ANK3: variants seen among roughly 807,000 people sequenced by gnomAD.
ANK3 encodes the protein ankyrin-3.
A neutral mutation model predicts 370.9 loss-of-function variants in ANK3; 57 were observed. The observed-to-expected ratio is 0.15, with a 90% CI of 0.12 to 0.19. ANK3 has a LOEUF of 0.19. ANK3 is among the 10% of genes least tolerant of loss of function. The pLI is 1.00. For missense variants in ANK3, 4,439 were observed against 5,302.1 expected, an observed-to-expected ratio of 0.84 and a Z score of 5.06; for synonymous variants, 1,929 against 1,946.3, an observed-to-expected ratio of 0.99 and a Z score of 0.23.
At chr10:60,433,723 A>G (rs1279738038) in intron 2 of ANK3, among the ~76,000 whole-genome samples, 2 of 152,190 alleles carry the variant, frequency 1.3e-5, no homozygotes, top group Non-Finnish European at 2.9e-5. Flanking sequence ...GAAATAATCG[A>G]ATTTTGCTTT....
At chr10:60,436,352 C>G in intron 2 of ANK3, among the ~76,000 whole-genome samples, 1 of 152,174 alleles carries the variant, frequency 6.6e-6, no homozygotes, top group Non-Finnish European at 1.5e-5. Context: ...ATTGCTGGGT[C>G]ATATGGTAAC....
intron 2 of ANK3, among the ~76,000 whole-genome samples, chr10:60,584,356 T>C (rs1191942813): frequency 6.6e-6 from 1 of 152,200 alleles, no homozygotes; most frequent in Non-Finnish European, 1.5e-5. Flanking sequence ...TAATGGCTCA[T>C]GCCTGTAATT....
chr10:60,718,019 G>A (rs1176097755), intron 1 of ANK3, among the ~76,000 whole-genome samples: 2 of 152,314 alleles, frequency 1.3e-5, no homozygotes, highest in South Asian at 2.1e-4. Context: ...CCTTACTTAG[G>A]CAGGATGCCA....
At chr10:60,109,379 T>C (rs1486746597) in intron 26 of ANK3, among the ~76,000 whole-genome samples, 1 of 152,126 alleles carries the variant, frequency 6.6e-6, no homozygotes, top group Non-Finnish European at 1.5e-5. Flanking sequence ...TCTCATGCAT[T>C]TAAAACAAAA....
chr10:60,375,768 C>T (rs944554489), intron 1 of ANK3, among the ~76,000 whole-genome samples: 5 of 152,232 alleles, frequency 3.3e-5, no homozygotes, highest in African/African-American at 1.2e-4. Context: ...AACATAAACA[C>T]ATACAGGTAT....
intron 1 of ANK3, among the ~76,000 whole-genome samples, chr10:60,624,760 A>G (rs931576839): frequency 6.6e-6 from 1 of 151,798 alleles, no homozygotes; most frequent in Admixed American, 6.6e-5. Context: ...TTGAGGAGGC[A>G]TGAATGCTAG....
intron 42 of ANK3, chr10:60,051,664 CTTTTTTTTTT>C (rs35764181): frequency 4.6e-5 from 7 of 151,752 alleles, no homozygotes; most frequent in East Asian, 4.7e-4. Flanking sequence ...ATGTTTTCTT[CTTTTTTTTTT>C]TTTTTTTTTG....
At position 60,124,371 on chromosome 10, in the gene ANK3, T is replaced by G. The variant is rs138541053; in HGVS notation, c.2841+9900A>C. Among the ~76,000 whole-genome samples the G allele has an allele frequency of 1.1e-3, 166 of 152,268 alleles. 1 individual carries two copies. In the East Asian group the frequency reaches 0.03, roughly 27 times the overall value. On this transcript the variant is annotated intron_variant, in intron 25 of 43. Transcript: ENST00000280772. Reference sequence around the variant, plus strand: ...TTGTATTTTTAGTAGAGATGGGGTTTCACCATGTTGGCCAGGCAGGTCTCG... The same window carrying G: ...TTGTATTTTTAGTAGAGATGGGGTTGCACCATGTTGGCCAGGCAGGTCTCG...
In ANK3 at chr10:60,322,724, T is replaced by G. The variant is rs570080296; in HGVS notation, c.115-43085A>C. Among the ~76,000 whole-genome samples the G allele has an allele frequency of 5.6e-4, 86 of 152,336 alleles. 2 individuals are homozygous for G. In the South Asian group the frequency reaches 0.017, roughly 29 times the overall value. On this transcript the variant is annotated intron_variant, in intron 1 of 43. Coordinates refer to ENST00000280772, the MANE Select transcript of ANK3 (RefSeq NM_020987.5). Reference sequence around the variant, plus strand: ...ACAAAACAAATGAACACTGCTTTTCTTATAAAATTGTCTGGATACAAACAA... The same window carrying G: ...ACAAAACAAATGAACACTGCTTTTCGTATAAAATTGTCTGGATACAAACAA...
At chr10:60,431,413 G>A (rs989003960) in intron 2 of ANK3, among the ~76,000 whole-genome samples, 1 of 152,180 alleles carries the variant, frequency 6.6e-6, no homozygotes, top group Non-Finnish European at 1.5e-5. Flanking sequence ...GCCATGGAGA[G>A]CGGCTGTAAA....
At chr10:60,564,118 A>G (rs888171138) in intron 2 of ANK3, among the ~76,000 whole-genome samples, 5 of 152,246 alleles carry the variant, frequency 3.3e-5, no homozygotes, top group African/African-American at 1.2e-4. Context: ...ATGTGTATGC[A>G]CAAGACATTG....
At chr10:60,603,317 A>G (rs1007336024) in intron 2 of ANK3, among the ~76,000 whole-genome samples, 2 of 152,170 alleles carry the variant, frequency 1.3e-5, no homozygotes, top group Non-Finnish European at 2.9e-5. Context: ...CAAATGGTAA[A>G]GACAGCTCAT....
At chr10:60,477,474 G>A (rs2075097329) in intron 2 of ANK3, among the ~76,000 whole-genome samples, 1 of 149,414 alleles carries the variant, frequency 6.7e-6, no homozygotes, top group Non-Finnish European at 1.5e-5. Flanking sequence ...CGAAGTACAG[G>A]TGAATGCAAA....
intron 2 of ANK3, among the ~76,000 whole-genome samples, chr10:60,488,736 TAG>T (rs2075414462): frequency 1.3e-5 from 2 of 152,224 alleles, no homozygotes. Flanking sequence ...ATCCACGTGA[TAG>T]AAAATATTGG....
At chr10:60,249,893 T>C (rs577979878) in intron 7 of ANK3, among the ~76,000 whole-genome samples, 4 of 152,294 alleles carry the variant, frequency 2.6e-5, no homozygotes, top group South Asian at 4.2e-4. Context: ...CCAAAATGTG[T>C]TAGAAGGTCT....
chr10:60,375,903 T>C (rs1299002741), intron 1 of ANK3, among the ~76,000 whole-genome samples: 1 of 152,202 alleles, frequency 6.6e-6, no homozygotes, highest in Admixed American at 6.5e-5. Context: ...TTCTTCCAGG[T>C]GGACAAGGGA....
chr10:60,215,485 G>A (rs2096922899), intron 8 of ANK3, among the ~76,000 whole-genome samples: 2 of 152,020 alleles, frequency 1.3e-5, no homozygotes, highest in South Asian at 2.1e-4. Flanking sequence ...GGTTTTTATG[G>A]TTTTGGGTTT....
In ANK3 at chr10:60,029,684, C is replaced by CTT. The variant is rs1298238910; in HGVS notation, c.*160_*161dup. 6.6e-6 allele frequency: 1 copy of CTT among 151,406 alleles called. No homozygotes were observed. The highest frequency in any genetic ancestry group is 2.4e-5 in the African/African-American group (1 of 41,178). The allele number at this position is 151,406 out of a possible 1,614,324, so 9.4% of individuals were successfully genotyped here. ...GCTAAATTAAAATGTGGGTGGTTTT[C>CTT]TTTTCTTTTCTTTTTGCATAAAAAA... On this transcript the variant is annotated 3_prime_UTR_variant, in exon 44 of 44. Coordinates refer to ENST00000280772, the MANE Select transcript of ANK3 (RefSeq NM_020987.5).
intron 1 of ANK3, among the ~76,000 whole-genome samples, chr10:60,709,585 C>T (rs2079672021): frequency 6.6e-6 from 1 of 151,756 alleles, no homozygotes; most frequent in Non-Finnish European, 1.5e-5. Flanking sequence ...TGACCAGGTG[C>T]AGTCTGAAGC....
Sources: gnomAD v4.1 joint callset for allele counts (sites outside exome capture counted in the v4.1 genomes callset) on GRCh38, gnomAD v4.1.1 for gene constraint, MANE v1.5 for transcripts, NCBI Gene and HGNC (gene_info 2026-07-23, HGNC 2026-07-21) for gene names.